The following PCDHGB2 variants were observed in gnomAD, a reference collection of about 807,000 sequenced individuals.
The protein encoded by PCDHGB2 is protocadherin gamma subfamily B, 2, also known as protocadherin gamma-B2.
A neutral mutation model predicts 59.3 loss-of-function variants in PCDHGB2; 55 were observed. The ratio of observed to expected loss-of-function variants is 0.93; its 90% CI spans 0.75 to 1.16. The LOEUF (loss-of-function observed/expected upper bound fraction) is 1.16, where lower values mean the gene tolerates loss of function less well. Among genes scored for constraint, PCDHGB2 ranks in the 50% most tolerant of loss-of-function variants. The pLI is 0.00. For synonymous variants in PCDHGB2, 516 were observed against 512.0 expected (o/e 1.01, Z -0.11); for missense variants, 1,228 against 1,198.5 (o/e 1.02, Z -0.36).
rs1554123924 is a variant in PCDHGB2, at chr5:141,431,826, T to C, written c.2422-62981T>C. 1 of 1,614,220 alleles carries C rather than the reference T, an allele frequency of 6.2e-7. No homozygotes were observed. The highest frequency in any genetic ancestry group is 8.5e-7 in the Non-Finnish European group (1 of 1,180,050). The stretch of plus-strand genomic sequence containing the variant: ...GTCCTCACCTCTCTCGCCAGCTCGG[T>C]TCCCGAAAACTCTCCCAGAGGGACA... On this transcript the variant is annotated intron_variant, in intron 1 of 3. Coordinates refer to ENST00000522605, the MANE Select transcript of PCDHGB2 (RefSeq NM_018923.3). This position sits in a 1 kb window ranked among gnomAD's most constrained non-coding sequence, Gnocchi z 4.8.
intron 1 of PCDHGB2, among the ~76,000 whole-genome samples, chr5:141,444,014 T>C (rs2098414038): frequency 6.6e-6 from 1 of 152,122 alleles, no homozygotes; most frequent in Admixed American, 6.6e-5. Flanking sequence ...GGGTATTGGC[T>C]TCTAAAAGGA....
At chr5:141,420,214 C>G (rs1356792048) in intron 1 of PCDHGB2, 1 of 1,611,064 alleles carries the variant, frequency 6.2e-7, no homozygotes, top group Admixed American at 1.7e-5. Context: ...ACAAAGATAG[C>G]ATGCTACTGG....
intron 1 of PCDHGB2, chr5:141,417,858 C>T (rs561149517): frequency 6.5e-7 from 1 of 1,547,240 alleles, no homozygotes. Flanking sequence ...CCCGAGCGAA[C>T]GATGGGAGGG....
At chr5:141,437,197 G>A (rs535640562) in intron 1 of PCDHGB2, among the ~76,000 whole-genome samples, 69 of 152,330 alleles carry the variant, frequency 4.5e-4, no homozygotes, top group Non-Finnish European at 7.8e-4. Flanking sequence ...GGGTTTGGAT[G>A]TGTTTACATT....
chr5:141,496,132 C>T (rs865808904), intron 2 of PCDHGB2, among the ~76,000 whole-genome samples: 1 of 152,058 alleles, frequency 6.6e-6, no homozygotes, highest in African/African-American at 2.4e-5. Flanking sequence ...CCCTCACACA[C>T]TGAGCCTTTG....
At chr5:141,380,731 T>C (rs1776694872) in intron 1 of PCDHGB2, among the ~76,000 whole-genome samples, 1 of 152,266 alleles carries the variant, frequency 6.6e-6, no homozygotes, top group Non-Finnish European at 1.5e-5. Flanking sequence ...TTATTTCCTT[T>C]TCTCCAAAGA....
At position 141,432,727 on chromosome 5, in the gene PCDHGB2, C is replaced by T; in HGVS notation, c.2422-62080C>T. 6.2e-7 allele frequency: 1 copy of T among 1,614,090 alleles called. No individual in the cohort carries two copies. Among genetic ancestry groups the T allele is most frequent in the Non-Finnish European group, 8.5e-7 (1 of 1,179,996 alleles). ...ACCACGGCCAGCCCCCTCTCTCCGC[C>T]ACTGTCACGCTCACCGTGGCCGTGG... On this transcript the variant is annotated intron_variant, in intron 1 of 3. Transcript: ENST00000522605. The surrounding 1 kb of genome is among the most constrained non-coding windows in gnomAD (Gnocchi z 6.0).
intron 1 of PCDHGB2, chr5:141,365,522 G>A (rs771198048): frequency 1.9e-6 from 3 of 1,613,770 alleles, no homozygotes; most frequent in African/African-American, 1.3e-5. Context: ...GGAGAAGTCA[G>A]TTGATAATTA....
chr5:141,491,034 T>A lies in PCDHGB2; in HGVS notation c.2422-3773T>A. On this transcript the variant is annotated intron_variant, in intron 1 of 3. Coordinates refer to ENST00000522605, the MANE Select transcript of PCDHGB2 (RefSeq NM_018923.3). This position sits in a 1 kb window ranked among gnomAD's most constrained non-coding sequence, Gnocchi z 6.9. ...CCAAGGTGACAGCCGTGGATGCTGA[T>A]GCAGGCCACAATGCGTGGCTCTCCT... 1 of 1,614,170 alleles carries A rather than the reference T, an allele frequency of 6.2e-7. No individual in the cohort carries two copies. Among genetic ancestry groups the A allele is most frequent in the African/African-American group, 1.3e-5 (1 of 75,074 alleles).
rs1252377833 is a variant in PCDHGB2, at chr5:141,485,012, G to T, written c.2422-9795G>T. On this transcript the variant is annotated intron_variant, in intron 1 of 3. Coordinates refer to ENST00000522605, the MANE Select transcript of PCDHGB2 (RefSeq NM_018923.3). The surrounding 1 kb of genome is among the most constrained non-coding windows in gnomAD (Gnocchi z 5.7). Reference sequence around the variant, plus strand: ...GGTGAAAGGCAGACAAATCTACCCCGCCACCAGCAAAAACGGCGCGTAACC... The same window carrying T: ...GGTGAAAGGCAGACAAATCTACCCCTCCACCAGCAAAAACGGCGCGTAACC... The T allele has an allele frequency of 1.3e-5, 8 of 630,528 alleles. No individual in the cohort carries two copies. In the Admixed American group the frequency reaches 1.5e-4, roughly 12 times the overall value. 39.1% of individuals were successfully genotyped at this position (630,528 alleles called of 1,614,324 possible).
chr5:141,394,290 G>A (rs759077173), intron 1 of PCDHGB2: 11 of 1,613,800 alleles, frequency 6.8e-6, no homozygotes, highest in Non-Finnish European at 8.5e-6. Context: ...CTCTGTGACC[G>A]AGGACACGCT....
rs377387694 is a variant in PCDHGB2, at chr5:141,366,375, T to A, written c.2421+3819T>A. 19 of 1,614,096 alleles carry A rather than the reference T, an allele frequency of 1.2e-5. No homozygotes were observed. The highest frequency in any genetic ancestry group is 1.6e-5 in the Non-Finnish European group (19 of 1,180,036). On this transcript the variant is annotated intron_variant, in intron 1 of 3. Coordinates refer to ENST00000522605, the MANE Select transcript of PCDHGB2 (RefSeq NM_018923.3). Reference sequence around the variant, plus strand: ...GACCTAGGCAGTATCAAGACCCCCATTGACCCTGAGGATCTGGACCTCACA... The same window carrying A: ...GACCTAGGCAGTATCAAGACCCCCAATGACCCTGAGGATCTGGACCTCACA...
intron 1 of PCDHGB2, among the ~76,000 whole-genome samples, chr5:141,437,741 C>CTTT (rs35124340): frequency 4.2e-5 from 6 of 141,750 alleles, no homozygotes; most frequent in Admixed American, 7.0e-5. Flanking sequence ...TTGAGTTCAC[C>CTTT]TTTTTTTTTT....
intron 1 of PCDHGB2, among the ~76,000 whole-genome samples, chr5:141,380,213 T>C (rs1284651338): frequency 1.3e-5 from 2 of 152,186 alleles, no homozygotes; most frequent in Admixed American, 6.5e-5. Context: ...AAGGCATTCA[T>C]TTCTGATCAG....
rs536902009 is a variant in PCDHGB2, at chr5:141,361,669, G to T, written c.1534G>T (p.Gly512Trp). 2.5e-6 allele frequency: 4 copies of T among 1,613,692 alleles called. No individual in the cohort carries two copies. The African/African-American group carries it at 4.0e-5, about 16-fold the overall frequency. ...LSYVSVSAQS[G>W]VVFAQRAFDH... ...CTACGTGTCCGTGAGCGCGCAGAGC[G>T]GGGTGGTGTTCGCGCAGCGCGCCTT... The change falls in exon 1 of 4, where the codon GGG (glycine) becomes TGG (tryptophan). Residue 512 changes from glycine to tryptophan, a missense_variant. Gly to Trp is a radical substitution (Grantham distance 184). Transcript: ENST00000522605.
At chr5:141,425,111 A>C (rs2096857405) in intron 1 of PCDHGB2, among the ~76,000 whole-genome samples, 1 of 152,144 alleles carries the variant, frequency 6.6e-6, no homozygotes, top group Non-Finnish European at 1.5e-5. Flanking sequence ...AGATGCCTAC[A>C]TTTTTCTTGA....
At chr5:141,408,651 C>G (rs373860648) in intron 1 of PCDHGB2, 3 of 1,614,012 alleles carry the variant, frequency 1.9e-6, no homozygotes, top group South Asian at 1.1e-5. Context: ...TCCGCTGGTA[C>G]ACGACTATCG....
At chr5:141,390,505 A>T in intron 1 of PCDHGB2, 1 of 600,954 alleles carries the variant, frequency 1.7e-6, no homozygotes, top group South Asian at 2.1e-5. Context: ...CCAAGCTTAG[A>T]TTTATAAAGC....
intron 1 of PCDHGB2, chr5:141,418,046 G>A (rs757311166): frequency 1.9e-6 from 3 of 1,613,888 alleles, no homozygotes; most frequent in Admixed American, 3.3e-5. Flanking sequence ...GGATGTGTCG[G>A]CTCGCGAGCT....
Sources: allele counts gnomAD v4.1 joint callset (sites outside exome capture counted in the v4.1 genomes callset), GRCh38; gene constraint gnomAD v4.1.1; non-coding constraint Gnocchi (gnomAD v3.1); transcripts MANE v1.5; gene names NCBI Gene and HGNC (gene_info 2026-07-23, HGNC 2026-07-21).